Variants in PRR5L observed in about 807,000 individuals in gnomAD.
PRR5L encodes proline rich 5 like.
PRR5L carries 21 observed loss-of-function variants against 36.4 expected under a neutral mutation model. The ratio of observed to expected loss-of-function variants is 0.58; its 90% CI spans 0.41 to 0.83. PRR5L has a LOEUF of 0.83. PRR5L is among the 40% of genes least tolerant of loss of function. The probability of loss-of-function intolerance (pLI) is 0.00; values close to 1 mark genes in which losing one functional copy is unlikely to be tolerated. For missense variants in PRR5L, 381 were observed against 473.3 expected, an observed-to-expected ratio of 0.80 and a Z score of 1.81; for synonymous variants, 188 against 197.0, an observed-to-expected ratio of 0.95 and a Z score of 0.38.
intron 1 of PRR5L, among the ~76,000 whole-genome samples, chr11:36,318,274 T>C (rs957091843): frequency 2.0e-5 from 3 of 152,226 alleles, no homozygotes; most frequent in African/African-American, 4.8e-5. Flanking sequence ...TGTGTCTCCA[T>C]TGTTAAGTGC....
At chr11:36,415,595 T>G (rs992555335) in intron 3 of PRR5L, among the ~76,000 whole-genome samples, 1 of 152,092 alleles carries the variant, frequency 6.6e-6, no homozygotes, top group Admixed American at 6.5e-5. Context: ...AATAGAAAAA[T>G]TAGCCAGGAG....
intron 1 of PRR5L, among the ~76,000 whole-genome samples, chr11:36,319,147 C>A (rs535682513): frequency 6.6e-6 from 1 of 152,166 alleles, no homozygotes; most frequent in Non-Finnish European, 1.5e-5. Flanking sequence ...TGCAGTTAAT[C>A]GTGATTGGCT....
intron 1 of PRR5L, among the ~76,000 whole-genome samples, chr11:36,304,939 G>T (rs1856414755): frequency 6.6e-6 from 1 of 152,188 alleles, no homozygotes; most frequent in Non-Finnish European, 1.5e-5. Flanking sequence ...AATATAAAAT[G>T]ATGCAGCTGC....
chr11:36,297,770 T>C (rs961817370), intron 1 of PRR5L, among the ~76,000 whole-genome samples: 1 of 152,144 alleles, frequency 6.6e-6, no homozygotes, highest in East Asian at 1.9e-4. Flanking sequence ...CAGTGGAGAC[T>C]TTTCTCCCTC....
intron 1 of PRR5L, among the ~76,000 whole-genome samples, chr11:36,346,457 T>C (rs1283585020): frequency 6.6e-6 from 1 of 150,766 alleles, no homozygotes; most frequent in Non-Finnish European, 1.5e-5. Flanking sequence ...GTGGCAGGAG[T>C]CTGTAGTCCC....
intron 6 of PRR5L, among the ~76,000 whole-genome samples, chr11:36,441,652 G>GT (rs1268948706): frequency 3.9e-5 from 6 of 152,202 alleles, no homozygotes; most frequent in Non-Finnish European, 7.3e-5. Context: ...CCACTAGGAA[G>GT]TGTCAGGGGC....
intron 1 of PRR5L, among the ~76,000 whole-genome samples, chr11:36,303,005 A>G (rs1856393343): frequency 6.6e-6 from 1 of 152,184 alleles, no homozygotes; most frequent in African/African-American, 2.4e-5. Context: ...CATATCTGGA[A>G]GAGTCAGGAT....
intron 1 of PRR5L, among the ~76,000 whole-genome samples, chr11:36,305,472 T>G (rs1428432948): frequency 6.6e-6 from 1 of 152,234 alleles, no homozygotes; most frequent in East Asian, 1.9e-4. Context: ...GTGATGGTTG[T>G]ACCTATCTGT....
At chr11:36,447,287 CAGTT>C (rs1181537027) in intron 7 of PRR5L, among the ~76,000 whole-genome samples, 2 of 152,216 alleles carry the variant, frequency 1.3e-5, no homozygotes. Context: ...TGAGGTCCCT[CAGTT>C]AGGAAGAGGC....
intron 1 of PRR5L, among the ~76,000 whole-genome samples, chr11:36,304,325 A>G (rs1030048681): frequency 6.6e-6 from 1 of 152,186 alleles, no homozygotes; most frequent in Admixed American, 6.5e-5. Context: ...CTGTTATTCT[A>G]TGCTGTTTGA....
rs893540979 is a variant in PRR5L, at chr11:36,406,349, T to TA, written c.245+2981dup. 4.7e-4 allele frequency among the ~76,000 whole-genome samples: 70 copies of TA among 150,416 alleles called. 1 individual carries two copies. Among genetic ancestry groups the TA allele is most frequent in the African/African-American group, 1.3e-3 (52 of 41,118 alleles). On this transcript the variant is annotated intron_variant, in intron 3 of 8. Transcript: ENST00000530639. ...ATTGAGCCCAGAATAAGCCAAAGCTTAAAAAAAAAATCAGAGCTTTCCTTC... is the reference window on the plus strand; with the variant it reads ...ATTGAGCCCAGAATAAGCCAAAGCTTAAAAAAAAAAATCAGAGCTTTCCTTC...
chr11:36,412,176 C>A (rs1590554745), intron 3 of PRR5L, among the ~76,000 whole-genome samples: 1 of 152,142 alleles, frequency 6.6e-6, no homozygotes, highest in African/African-American at 2.4e-5. Flanking sequence ...CAGCTCTGGG[C>A]TCCCTGATCT....
At chr11:36,456,102 G>A (rs766281516) in intron 8 of PRR5L, among the ~76,000 whole-genome samples, 3 of 152,162 alleles carry the variant, frequency 2.0e-5, no homozygotes, top group Non-Finnish European at 2.9e-5. Context: ...AGCAACTTCT[G>A]AGCCACAGAG....
At chr11:36,428,308 TA>T (rs918536921) in intron 4 of PRR5L, among the ~76,000 whole-genome samples, 1 of 152,180 alleles carries the variant, frequency 6.6e-6, no homozygotes, top group African/African-American at 2.4e-5. Context: ...ACTTCACTTA[TA>T]AAACATAAAT....
intron 1 of PRR5L, among the ~76,000 whole-genome samples, chr11:36,371,800 T>C (rs974080573): frequency 6.6e-6 from 1 of 152,188 alleles, no homozygotes; most frequent in Non-Finnish European, 1.5e-5. Context: ...GGTTTAGGTC[T>C]GTAATCCCAG....
chr11:36,310,160 C>G (rs1402850085), intron 1 of PRR5L, among the ~76,000 whole-genome samples: 1 of 152,154 alleles, frequency 6.6e-6, no homozygotes, highest in Non-Finnish European at 1.5e-5. Flanking sequence ...CAAGGGTATT[C>G]TCGGTTCACA....
intron 6 of PRR5L, among the ~76,000 whole-genome samples, chr11:36,439,065 T>C (rs331479): frequency 0.88 from 133,155 of 152,170 alleles, 58,366 homozygotes; most frequent in East Asian, 0.98. Flanking sequence ...TTTTATCTGG[T>C]AGCCCTACTA....
intron 6 of PRR5L, among the ~76,000 whole-genome samples, chr11:36,438,256 TA>T (rs1858645966): frequency 6.6e-6 from 1 of 152,154 alleles, no homozygotes; most frequent in South Asian, 2.1e-4. Flanking sequence ...CTCTCTCACT[TA>T]AGCTGCAGTG....
chr11:36,373,524 A>G (rs1011071494), intron 1 of PRR5L, among the ~76,000 whole-genome samples: 2 of 151,980 alleles, frequency 1.3e-5, no homozygotes, highest in Admixed American at 1.3e-4. Context: ...AGTTGAGCCC[A>G]GAAATTTGAG....
Sources: gnomAD v4.1 joint callset for allele counts (sites outside exome capture counted in the v4.1 genomes callset) on GRCh38, gnomAD v4.1.1 for gene constraint, MANE v1.5 for transcripts, NCBI Gene and HGNC (gene_info 2026-07-23, HGNC 2026-07-21) for gene names.